NBEA: variants seen among roughly 807,000 people sequenced by gnomAD.
The protein encoded by NBEA is neurobeachin, also known as lysosomal-trafficking regulator 2.
NBEA carries 44 observed loss-of-function variants against 343.4 expected under a neutral mutation model. That is an observed-to-expected ratio of 0.13 (90% CI 0.10 to 0.16). The LOEUF (loss-of-function observed/expected upper bound fraction) is 0.16. Ranked by LOEUF, NBEA falls within the 10% of genes least tolerant of loss-of-function variation. The pLI, the probability that NBEA is intolerant of heterozygous loss-of-function variation, is 1.00. For synonymous variants in NBEA, 1,175 were observed against 1,238.7 expected (o/e 0.95, Z 1.08); for missense variants, 2,555 against 3,631.3 (o/e 0.70, Z 7.62).
intron 41 of NBEA, among the ~76,000 whole-genome samples, chr13:35,503,356 T>C (rs1287723949): frequency 6.6e-6 from 1 of 151,936 alleles, no homozygotes; most frequent in Non-Finnish European, 1.5e-5. Context: ...GGTAGATATA[T>C]AATTTTTATA....
chr13:35,326,117 G>C lies in NBEA; in HGVS notation c.5903+16525G>C, dbSNP rs1286368608. On this transcript the variant is annotated intron_variant, in intron 36 of 58. Coordinates refer to ENST00000379939, the MANE Select transcript of NBEA (RefSeq NM_001385012.1). The stretch of plus-strand genomic sequence containing the variant: ...GGCTTTGTTCTTCTTGCTTAGGGTT[G>C]CTTTGGCTGTTCAGGCTCTCTTTTA... Among the ~76,000 whole-genome samples, 3 of 152,000 alleles carry C rather than the reference G, an allele frequency of 2.0e-5. No individual in the cohort carries two copies. The East Asian group carries it at 5.8e-4, about 29-fold the overall frequency.
chr13:35,244,383 CT>C (rs1341846661), intron 34 of NBEA, among the ~76,000 whole-genome samples: 1 of 151,826 alleles, frequency 6.6e-6, no homozygotes, highest in Non-Finnish European at 1.5e-5. Context: ...CCTTTCCCCA[CT>C]TTATGTTTTT....
chr13:35,112,238 G>C (rs1296026545), intron 13 of NBEA, among the ~76,000 whole-genome samples: 1 of 151,862 alleles, frequency 6.6e-6, no homozygotes, highest in East Asian at 1.9e-4. Flanking sequence ...TGGGGCTTTA[G>C]AAGTTATTTA....
intron 47 of NBEA, among the ~76,000 whole-genome samples, chr13:35,597,206 G>A (rs112503381): frequency 1.3e-5 from 2 of 152,250 alleles, no homozygotes; most frequent in African/African-American, 4.8e-5. Flanking sequence ...TTTTTTGACA[G>A]AATGTATATA....
chr13:35,118,545 A>G (rs2066622978), intron 16 of NBEA, 71 bp downstream of exon 16: 6 of 1,099,502 alleles, frequency 5.5e-6, no homozygotes, highest in African/African-American at 1.6e-5. Context: ...AATAACTGCT[A>G]TTCTATGAAT....
At chr13:34,972,521 C>G (rs917479992) in intron 1 of NBEA, among the ~76,000 whole-genome samples, 10 of 152,108 alleles carry the variant, frequency 6.6e-5, no homozygotes, top group Non-Finnish European at 5.9e-5. Context: ...ATTCTGGTAC[C>G]TTGTATCTTT....
intron 34 of NBEA, among the ~76,000 whole-genome samples, chr13:35,248,947 C>T (rs753360585): frequency 3.3e-5 from 5 of 151,916 alleles, no homozygotes; most frequent in African/African-American, 9.7e-5. Context: ...GTCGGGAGTT[C>T]GAGACCACCC....
chr13:35,452,764 G>C (rs189011341), intron 40 of NBEA, among the ~76,000 whole-genome samples: 3 of 152,232 alleles, frequency 2.0e-5, no homozygotes, highest in Admixed American at 6.5e-5. Context: ...ATATGTCTGA[G>C]ATCAATTCTG....
intron 10 of NBEA, among the ~76,000 whole-genome samples, chr13:35,085,531 C>T (rs1251726698): frequency 6.6e-6 from 1 of 152,084 alleles, no homozygotes; most frequent in Non-Finnish European, 1.5e-5. Flanking sequence ...CAAAATTCAA[C>T]AACCTTCATG....
At chr13:35,486,923 C>T (rs1264844919) in intron 41 of NBEA, among the ~76,000 whole-genome samples, 2 of 151,864 alleles carry the variant, frequency 1.3e-5, no homozygotes, top group African/African-American at 4.8e-5. Context: ...CATTGTAAAA[C>T]TTAAGATTAA....
At chr13:35,397,833 A>T (rs540287422) in intron 38 of NBEA, among the ~76,000 whole-genome samples, 1 of 152,296 alleles carries the variant, frequency 6.6e-6, no homozygotes, top group East Asian at 1.9e-4. Context: ...AGCAAGTTAT[A>T]ATCTTTTTGC....
chr13:35,422,096 T>G (rs376820322), intron 38 of NBEA, among the ~76,000 whole-genome samples: 2,947 of 145,838 alleles, frequency 0.02, 48 homozygotes, highest in African/African-American at 0.051. Context: ...TTGTTTGTTT[T>G]TTTTTTTTTT....
At chr13:35,335,719 C>T (rs2039211938) in intron 36 of NBEA, among the ~76,000 whole-genome samples, 1 of 151,788 alleles carries the variant, frequency 6.6e-6, no homozygotes, top group Non-Finnish European at 1.5e-5. Context: ...AATTAACATC[C>T]TAGGAGATGT....
intron 1 of NBEA, among the ~76,000 whole-genome samples, chr13:34,995,883 A>G (rs1322792808): frequency 6.6e-6 from 1 of 152,236 alleles, no homozygotes; most frequent in Non-Finnish European, 1.5e-5. Flanking sequence ...GAATTAGAGC[A>G]TAAGGCAGAA....
intron 17 of NBEA, among the ~76,000 whole-genome samples, chr13:35,132,909 AAAAC>A (rs1227430704): frequency 4.6e-5 from 7 of 152,214 alleles, no homozygotes; most frequent in African/African-American, 1.4e-4. Context: ...AAAAATGTGA[AAAAC>A]AAAATTTAAA....
intron 48 of NBEA, among the ~76,000 whole-genome samples, chr13:35,611,834 T>C (rs540284546): frequency 1.8e-4 from 28 of 152,362 alleles, no homozygotes; most frequent in African/African-American, 6.7e-4. Flanking sequence ...GATTTGTTTC[T>C]ACTTTTTGGC....
At chr13:35,341,678 C>T (rs1053282682) in intron 36 of NBEA, among the ~76,000 whole-genome samples, 1 of 151,994 alleles carries the variant, frequency 6.6e-6, no homozygotes, top group Non-Finnish European at 1.5e-5. Context: ...CAGTAAGATA[C>T]CACTTCATAT....
intron 1 of NBEA, among the ~76,000 whole-genome samples, chr13:34,958,546 A>T (rs2059568046): frequency 7.1e-6 from 1 of 141,310 alleles, no homozygotes; most frequent in African/African-American, 2.5e-5. Flanking sequence ...AGAAATAGTA[A>T]TAATAGGATA....
Position 35,567,032 on chromosome 13 carries a change from T to C in NBEA, c.7035+15T>C. 4 of 1,400,358 alleles carry C rather than the reference T, an allele frequency of 2.9e-6. No individual in the cohort carries two copies. Among genetic ancestry groups the C allele is most frequent in the Non-Finnish European group, 4.0e-6 (4 of 989,722 alleles). The allele number at this position is 1,400,358 out of a possible 1,614,324, so 86.7% of individuals were successfully genotyped here. A position where few individuals can be genotyped will look rare whatever the true frequency, so the allele number is the denominator to read the frequency against. On this transcript the variant is annotated intron_variant, in intron 45 of 58. Coordinates refer to ENST00000379939, the MANE Select transcript of NBEA (RefSeq NM_001385012.1). Reference sequence around the variant, plus strand: ...ATCTATCAAAGGTAACTTTTAAATATATAGAAGTCAGCTTTCTTCATAAGG... The same window carrying C: ...ATCTATCAAAGGTAACTTTTAAATACATAGAAGTCAGCTTTCTTCATAAGG...
Sources: allele counts gnomAD v4.1 joint callset (sites outside exome capture counted in the v4.1 genomes callset), GRCh38; gene constraint gnomAD v4.1.1; transcripts MANE v1.5; gene names NCBI Gene and HGNC (gene_info 2026-07-23, HGNC 2026-07-21).